Variants in ATP7A observed in about 807,000 individuals in gnomAD.
ATP7A encodes copper-transporting ATPase 1.
Under a neutral mutation model 83.5 loss-of-function variants are expected in ATP7A, and 7 were observed. That is an observed-to-expected ratio of 0.08 (90% CI 0.05 to 0.16). The LOEUF (loss-of-function observed/expected upper bound fraction) is 0.16. Ranked by LOEUF, ATP7A falls within the 10% of genes least tolerant of loss-of-function variation. ATP7A has a pLI of 1.00. For synonymous variants in ATP7A, 354 were observed against 395.2 expected, an observed-to-expected ratio of 0.90 and a Z score of 1.24; for missense variants, 940 against 1,120.8, an observed-to-expected ratio of 0.84 and a Z score of 2.30.
At chrX:77,972,838 A>G (rs2077556729) in intron 2 of ATP7A, among the ~76,000 whole-genome samples, 1 of 109,542 alleles carries the variant, frequency 9.1e-6, no homozygotes. Context: ...ATGCCTAAGG[A>G]AGACTCTATT....
chrX:78,029,272 G>A lies in ATP7A; in HGVS notation c.2939G>A (p.Arg980Gln), dbSNP rs1057522925. The A allele has an allele frequency of 2.5e-6, 3 of 1,209,193 alleles. No individual in the cohort carries two copies. Among genetic ancestry groups the A allele is most frequent in the East Asian group, 3.0e-5 (1 of 33,767 alleles). ...YFPGYNRSIS[R>Q]TETIIRFAFQ... ...AAGGGCTACAATAGAAGTATCTCCC[G>A]AACAGAAACGATAATACGATTTGCT... The change falls in exon 15 of 23, where the codon CGA becomes CAA. Residue 980 changes from arginine (R) to glutamine (Q), a missense_variant. Arg to Gln is a conservative substitution (Grantham distance 43). Around this residue, in one of 3 missense-constraint regions of ATP7A, gnomAD observed 386 missense variants for 502.2 expected, o/e 0.77. Transcript: ENST00000341514.
At chrX:78,010,875 G>A (rs1310933620) in intron 7 of ATP7A, among the ~76,000 whole-genome samples, 2 of 110,452 alleles carry the variant, frequency 1.8e-5, no homozygotes, top group East Asian at 2.8e-4. Context: ...CACCGTGCCC[G>A]GCCTGGTGCT....
At chrX:77,942,755 T>A (rs2077358496) in intron 1 of ATP7A, among the ~76,000 whole-genome samples, 1 of 110,651 alleles carries the variant, frequency 9.0e-6, no homozygotes, top group Non-Finnish European at 1.9e-5. Context: ...GCCCTCTTTC[T>A]CTGAAAGTAT....
intron 6 of ATP7A, among the ~76,000 whole-genome samples, chrX:78,007,388 C>G (rs1267526720): frequency 9.0e-6 from 1 of 110,599 alleles, no homozygotes; most frequent in East Asian, 2.8e-4. Flanking sequence ...TGCAGTGGCG[C>G]GATCTTGGCT....
chrX:77,942,744 A>G (rs1449783290), intron 1 of ATP7A, among the ~76,000 whole-genome samples: 10 of 109,051 alleles, frequency 9.2e-5, no homozygotes, highest in Admixed American at 5.9e-4. Flanking sequence ...CACCGCATCC[A>G]GCCCTCTTTC....
intron 15 of ATP7A, among the ~76,000 whole-genome samples, chrX:78,030,822 G>A (rs2077978921): frequency 9.2e-6 from 1 of 108,232 alleles, no homozygotes. Flanking sequence ...CTCCCGAGTA[G>A]CTGGGATTAC....
At chrX:77,917,999 T>G (rs2077193202) in intron 1 of ATP7A, among the ~76,000 whole-genome samples, 1 of 111,762 alleles carries the variant, frequency 8.9e-6, no homozygotes, top group Non-Finnish European at 1.9e-5. Context: ...GTATTTTTTC[T>G]TGTTACCTTT....
Position 78,011,240 on chromosome X carries a change from G to A in ATP7A, c.1934G>A (p.Arg645Gln), listed in dbSNP as rs782729433. 62 of 1,206,288 alleles carry A rather than the reference G, an allele frequency of 5.1e-5. No homozygotes were observed. Among genetic ancestry groups the A allele is most frequent in the South Asian group, 1.1e-4 (6 of 56,681 alleles). ...TCAGCAAGTCACTTAGATCATAAAC[G>A]AGAAATAAGACAGTAAGTACTTTGG... is the stretch of plus-strand genomic sequence containing the variant. ...DRSASHLDHK[R>Q]EIRQWRRSFL... The change falls in exon 8 of 23, where the codon CGA (arginine) becomes CAA (glutamine). Residue 645 changes from arginine to glutamine, a missense_variant. Physicochemically the swap from Arg to Gln is conservative, Grantham distance 43. Around this residue, in one of 3 missense-constraint regions of ATP7A, gnomAD observed 204 missense variants for 185.8 expected, o/e 1.10. Coordinates refer to ENST00000341514, the MANE Select transcript of ATP7A (RefSeq NM_000052.7).
At position 78,002,936 on chromosome X, in the gene ATP7A, G is replaced by A. The variant is rs1302399398; in HGVS notation, c.1544-137G>A. On this transcript the variant is annotated intron_variant, in intron 5 of 22. Coordinates refer to ENST00000341514, the MANE Select transcript of ATP7A (RefSeq NM_000052.7). ...GTTTGGGGTCAAGACTGGTATAAAA[G>A]TTAAATTTCTCCAGATTCAAATCCT... 3 of 671,928 alleles carry A rather than the reference G, an allele frequency of 4.5e-6. No homozygotes were observed. In the African/African-American group the frequency reaches 6.7e-5, roughly 15 times the overall value. The allele number at this position is 671,928 out of a possible 1,213,427, so 55.4% of individuals were successfully genotyped here.
intron 1 of ATP7A, among the ~76,000 whole-genome samples, chrX:77,931,568 C>T: frequency 8.9e-6 from 1 of 112,057 alleles, no homozygotes; most frequent in Non-Finnish European, 1.9e-5. Flanking sequence ...CAGAGGGGCT[C>T]CTCACATCCC....
intron 21 of ATP7A, among the ~76,000 whole-genome samples, chrX:78,044,993 C>A (rs782631067): frequency 6.3e-5 from 7 of 111,543 alleles, no homozygotes; most frequent in Non-Finnish European, 1.3e-4. Flanking sequence ...ATATGATCAC[C>A]ATAGAAAAAG....
At chrX:77,953,954 A>C (rs1557227063) in intron 1 of ATP7A, among the ~76,000 whole-genome samples, 1 of 112,090 alleles carries the variant, frequency 8.9e-6, no homozygotes, top group Non-Finnish European at 1.9e-5. Context: ...AATCTGAAGC[A>C]TCTGTATTGT....
At chrX:77,928,071 C>T (rs1949286964) in intron 1 of ATP7A, among the ~76,000 whole-genome samples, 2 of 110,530 alleles carry the variant, frequency 1.8e-5, no homozygotes, top group South Asian at 3.9e-4. Flanking sequence ...AAGTGATCCT[C>T]CTACCTCAGC....
At chrX:77,933,514 C>T (rs1342876138) in intron 1 of ATP7A, among the ~76,000 whole-genome samples, 1 of 111,589 alleles carries the variant, frequency 9.0e-6, no homozygotes, top group Non-Finnish European at 1.9e-5. Flanking sequence ...ATGCTTAGGA[C>T]CGGAAGTGTT....
intron 14 of ATP7A, among the ~76,000 whole-genome samples, chrX:78,025,269 A>G (rs1239457798): frequency 8.9e-6 from 1 of 112,135 alleles, no homozygotes; most frequent in African/African-American, 3.2e-5. Context: ...ATGATAGCAA[A>G]TTCAAAAACA....
At chrX:77,992,371 C>A (rs1313272069) in intron 4 of ATP7A, among the ~76,000 whole-genome samples, 1 of 109,867 alleles carries the variant, frequency 9.1e-6, no homozygotes, top group Non-Finnish European at 1.9e-5. Context: ...CCTTTAGATT[C>A]TTTTGCTCTA....
intron 2 of ATP7A, among the ~76,000 whole-genome samples, chrX:77,978,956 C>T (rs2077590679): frequency 9.0e-6 from 1 of 110,655 alleles, no homozygotes; most frequent in African/African-American, 3.3e-5. Context: ...CTCAGCCTCC[C>T]GAGTAGCTGG....
chrX:78,018,944 T>C (rs2077887192), intron 12 of ATP7A, among the ~76,000 whole-genome samples: 1 of 110,971 alleles, frequency 9.0e-6, no homozygotes, highest in Admixed American at 9.6e-5. Flanking sequence ...AACTCACTCA[T>C]CACAAGAACA....
intron 14 of ATP7A, among the ~76,000 whole-genome samples, chrX:78,022,497 G>GTTTA (rs1266484782): frequency 1.5e-5 from 1 of 68,746 alleles, no homozygotes; most frequent in African/African-American, 5.6e-5. Context: ...ATGTTTGTTT[G>GTTTA]TTTGTTTGTT....
Sources: allele counts gnomAD v4.1 joint callset (sites outside exome capture counted in the v4.1 genomes callset), GRCh38; gene constraint gnomAD v4.1.1; regional missense constraint gnomAD v4.1.1; transcripts MANE v1.5; gene names NCBI Gene and HGNC (gene_info 2026-07-23, HGNC 2026-07-21).